Variants in FOXP2 observed in about 807,000 individuals in gnomAD.
FOXP2 encodes forkhead box P2.
A neutral mutation model predicts 115.8 loss-of-function variants in FOXP2; 12 were observed. The observed-to-expected ratio is 0.10, with a 90% CI of 0.07 to 0.17. The LOEUF (loss-of-function observed/expected upper bound fraction) is 0.17, where lower values mean the gene tolerates loss of function less well. Among genes scored for constraint, FOXP2 ranks in the 10% least tolerant of loss-of-function variants. The probability of loss-of-function intolerance (pLI) is 1.00; values close to 1 mark genes in which losing one functional copy is unlikely to be tolerated. For missense variants in FOXP2, 629 were observed against 843.5 expected, an observed-to-expected ratio of 0.75 and a Z score of 3.15; for synonymous variants, 328 against 297.7, an observed-to-expected ratio of 1.10 and a Z score of -1.05.
intron 2 of FOXP2, among the ~76,000 whole-genome samples, chr7:114,506,978 A>G (rs1797852357): frequency 6.6e-6 from 1 of 151,834 alleles, no homozygotes. Context: ...CAGGCCTTTA[A>G]AAGTAAAAAG....
intron 10 of FOXP2, among the ~76,000 whole-genome samples, chr7:114,655,647 A>G (rs527345582): frequency 6.6e-6 from 1 of 152,270 alleles, no homozygotes; most frequent in South Asian, 2.1e-4. Context: ...TTCAAAATTG[A>G]TATGATAGTA....
chr7:114,467,649 G>A (rs1301874817), intron 2 of FOXP2, among the ~76,000 whole-genome samples: 2 of 152,104 alleles, frequency 1.3e-5, no homozygotes, highest in East Asian at 1.9e-4. Flanking sequence ...CAGTCACATC[G>A]CATACCCTAT....
chr7:114,273,978 T>C (rs1386025976), intron 1 of FOXP2, among the ~76,000 whole-genome samples: 1 of 151,716 alleles, frequency 6.6e-6, no homozygotes, highest in Non-Finnish European at 1.5e-5. Flanking sequence ...TTTCTATTTG[T>C]TGTCCTTGTT....
intron 2 of FOXP2, among the ~76,000 whole-genome samples, chr7:114,302,724 A>C (rs924777369): frequency 6.6e-6 from 1 of 152,164 alleles, no homozygotes; most frequent in Admixed American, 6.6e-5. Flanking sequence ...TAATCATTCC[A>C]TAAATATATG....
intron 2 of FOXP2, among the ~76,000 whole-genome samples, chr7:114,430,511 G>A (rs1032234413): frequency 6.6e-6 from 1 of 151,716 alleles, no homozygotes; most frequent in Non-Finnish European, 1.5e-5. Context: ...TATTTCAGAA[G>A]GCACTGGTAA....
chr7:114,225,906 T>C (rs1195696480), intron 1 of FOXP2, among the ~76,000 whole-genome samples: 1 of 152,176 alleles, frequency 6.6e-6, no homozygotes, highest in Non-Finnish European at 1.5e-5. Flanking sequence ...TTACAAAACA[T>C]ATTCCATTAT....
chr7:114,300,897 A>C (rs1175160501), intron 2 of FOXP2, among the ~76,000 whole-genome samples: 1 of 152,054 alleles, frequency 6.6e-6, no homozygotes, highest in African/African-American at 2.4e-5. Flanking sequence ...TAATCCTAAG[A>C]CAGAGCTGAC....
intron 1 of FOXP2, among the ~76,000 whole-genome samples, chr7:114,238,346 G>C (rs1009482172): frequency 3.3e-5 from 5 of 151,826 alleles, no homozygotes; most frequent in Non-Finnish European, 7.4e-5. Context: ...ACACAAACAT[G>C]AATTGTTATT....
At chr7:114,332,217 C>T (rs1467537913) in intron 2 of FOXP2, among the ~76,000 whole-genome samples, 5 of 152,044 alleles carry the variant, frequency 3.3e-5, no homozygotes, top group Non-Finnish European at 7.3e-5. Context: ...TAAATATGGA[C>T]ACGTGCAGCT....
chr7:114,086,517 C>T, upstream of FOXP2: 4 of 387,620 alleles, frequency 1.0e-5, no homozygotes, highest in South Asian at 1.8e-5. Context: ...GCAGCAGCTG[C>T]CCGGACTCGC....
chr7:114,155,255 G>C (rs998421491), intron 1 of FOXP2, among the ~76,000 whole-genome samples: 2 of 152,032 alleles, frequency 1.3e-5, no homozygotes, highest in African/African-American at 4.8e-5. Context: ...TTCAAGCCAT[G>C]ATGGGAAGGG....
intron 2 of FOXP2, among the ~76,000 whole-genome samples, chr7:114,465,787 T>C (rs1032130990): frequency 2.0e-5 from 3 of 152,206 alleles, no homozygotes; most frequent in East Asian, 1.9e-4. Flanking sequence ...AGCCAGGCCA[T>C]GTTCTAACTT....
At chr7:114,106,913 T>C (rs1791133549) in intron 1 of FOXP2, among the ~76,000 whole-genome samples, 2 of 152,036 alleles carry the variant, frequency 1.3e-5, no homozygotes, top group South Asian at 4.1e-4. Flanking sequence ...GTTAATAAAC[T>C]CATAGTTATA....
intron 1 of FOXP2, among the ~76,000 whole-genome samples, chr7:114,251,478 A>G (rs1276629366): frequency 6.6e-6 from 1 of 152,128 alleles, no homozygotes; most frequent in Non-Finnish European, 1.5e-5. Context: ...TTCGTTGAGC[A>G]GTGGTTTGTA....
rs1401649414 is a variant in FOXP2 at position 114,587,882 on chromosome 7, T to TG, written c.259-40658_259-40657insG. On this transcript the variant is annotated intron_variant, in intron 3 of 16. Transcript: ENST00000350908. ...ATTGGGTGAATAAGAGATAATTAAATCCACCTTTCTTAGTGCCTTATTAAT... is the reference window on the plus strand; with the variant it reads ...ATTGGGTGAATAAGAGATAATTAAATGCCACCTTTCTTAGTGCCTTATTAAT... Among the ~76,000 whole-genome samples the TG allele has an allele frequency of 2.0e-4, 12 of 61,402 alleles. 1 individual carries two copies. The highest frequency in any genetic ancestry group is 1.3e-3 in the South Asian group (2 of 1,578). The allele number at this position is 61,402 out of a possible 152,430, so 40.3% of individuals were successfully genotyped here.
At chr7:114,377,059 C>T (rs973615010) in intron 2 of FOXP2, among the ~76,000 whole-genome samples, 1 of 151,952 alleles carries the variant, frequency 6.6e-6, no homozygotes, top group African/African-American at 2.4e-5. Context: ...TAATCATCAC[C>T]TATTGGTAAT....
chr7:114,213,778 A>G (rs896578622), intron 1 of FOXP2, among the ~76,000 whole-genome samples: 5 of 152,282 alleles, frequency 3.3e-5, no homozygotes, highest in African/African-American at 9.6e-5. Context: ...AAATATTTTA[A>G]GTTAATCATT....
At chr7:114,605,733 G>A (rs775973659) in intron 3 of FOXP2, among the ~76,000 whole-genome samples, 1 of 152,140 alleles carries the variant, frequency 6.6e-6, no homozygotes, top group Non-Finnish European at 1.5e-5. Flanking sequence ...GTGCTCTGAG[G>A]GTGGCACTGG....
At chr7:114,359,122 T>G (rs1325824297) in intron 2 of FOXP2, among the ~76,000 whole-genome samples, 2 of 152,126 alleles carry the variant, frequency 1.3e-5, no homozygotes, top group Admixed American at 1.3e-4. Context: ...TTTTGGAGTC[T>G]GGGGACTTGG....
Sources: gnomAD v4.1 joint callset for allele counts (sites outside exome capture counted in the v4.1 genomes callset) on GRCh38, gnomAD v4.1.1 for gene constraint, MANE v1.5 for transcripts, NCBI Gene and HGNC (gene_info 2026-07-23, HGNC 2026-07-21) for gene names.